The following SEMA5A variants were observed in gnomAD, a reference collection of about 807,000 sequenced individuals.
SEMA5A encodes semaphorin 5A, also known as semaphorin-5A.
SEMA5A carries 55 observed loss-of-function variants against 135.5 expected under a neutral mutation model. The observed-to-expected ratio is 0.41, with a 90% confidence interval of 0.33 to 0.51. The LOEUF (loss-of-function observed/expected upper bound fraction) is 0.51, where lower values mean the gene tolerates loss of function less well. Ranked by LOEUF, SEMA5A falls within the 20% of genes least tolerant of loss-of-function variation. The pLI is 0.37. For synonymous variants in SEMA5A, 580 were observed against 546.5 expected (o/e 1.06, Z -0.85); for missense variants, 1,290 against 1,419.9 (o/e 0.91, Z 1.47).
chr5:9,078,924 A>G (rs1738219828), intron 16 of SEMA5A, among the ~76,000 whole-genome samples: 1 of 152,150 alleles, frequency 6.6e-6, no homozygotes, highest in African/African-American at 2.4e-5. Context: ...TGATTAGTCT[A>G]TGATAAGTTA....
chr5:9,206,322 C>T (rs906516693), intron 8 of SEMA5A, among the ~76,000 whole-genome samples: 1 of 151,970 alleles, frequency 6.6e-6, no homozygotes, highest in African/African-American at 2.4e-5. Context: ...CCGTGTTGTA[C>T]AAAATATATC....
intron 1 of SEMA5A, among the ~76,000 whole-genome samples, chr5:9,521,649 A>T (rs1310190022): frequency 6.6e-6 from 1 of 152,156 alleles, no homozygotes; most frequent in East Asian, 1.9e-4. Flanking sequence ...CATTCCATTT[A>T]TTTGAAACTC....
intron 16 of SEMA5A, among the ~76,000 whole-genome samples, chr5:9,067,499 C>T (rs1737540283): frequency 6.6e-6 from 1 of 152,102 alleles, no homozygotes; most frequent in African/African-American, 2.4e-5. Flanking sequence ...ACATAATACA[C>T]CTAGTGATGG....
chr5:9,470,032 G>A (rs1159479560), intron 1 of SEMA5A, among the ~76,000 whole-genome samples: 2 of 152,194 alleles, frequency 1.3e-5, no homozygotes, highest in Non-Finnish European at 2.9e-5. Flanking sequence ...ATGCAGAAGG[G>A]TAATTCCAAC....
At chr5:9,370,947 T>A (rs1755110752) in intron 3 of SEMA5A, among the ~76,000 whole-genome samples, 1 of 152,242 alleles carries the variant, frequency 6.6e-6, no homozygotes, top group African/African-American at 2.4e-5. Flanking sequence ...GCCCATTTAA[T>A]GCTTAGAAAG....
intron 13 of SEMA5A, among the ~76,000 whole-genome samples, chr5:9,123,824 CCAGTGAGAAA>C (rs1387332922): frequency 1.2e-4 from 19 of 152,036 alleles, no homozygotes; most frequent in African/African-American, 4.3e-4. Flanking sequence ...AGCTTACGGG[CCAGTGAGAAA>C]CAGCTAGACA....
intron 16 of SEMA5A, among the ~76,000 whole-genome samples, chr5:9,095,945 C>T (rs1430464242): frequency 5.9e-5 from 9 of 152,130 alleles, no homozygotes; most frequent in African/African-American, 9.7e-5. Context: ...GATTATATTG[C>T]GTATTGCAAA....
chr5:9,263,824 C>T (rs1579741828), intron 5 of SEMA5A, among the ~76,000 whole-genome samples: 1 of 152,270 alleles, frequency 6.6e-6, no homozygotes. Context: ...GCTGAGTTTT[C>T]CCTGTGTCTC....
intron 5 of SEMA5A, among the ~76,000 whole-genome samples, chr5:9,283,235 CGTGGTT>C (rs1346696471): frequency 6.6e-6 from 1 of 152,148 alleles, no homozygotes; most frequent in African/African-American, 2.4e-5. Context: ...GGAGTCCATT[CGTGGTT>C]TAACCAGATC....
At chr5:9,386,135 T>C (rs1755877826) in intron 2 of SEMA5A, among the ~76,000 whole-genome samples, 1 of 152,172 alleles carries the variant, frequency 6.6e-6, no homozygotes, top group African/African-American at 2.4e-5. Flanking sequence ...TTTGCATTTG[T>C]TCTTTCCATT....
intron 5 of SEMA5A, among the ~76,000 whole-genome samples, chr5:9,305,021 T>C (rs1335715964): frequency 6.6e-6 from 1 of 152,162 alleles, no homozygotes; most frequent in Non-Finnish European, 1.5e-5. Flanking sequence ...CTTCGGTAAC[T>C]GTATCATCTA....
chr5:9,436,456 G>T (rs1442891630), intron 2 of SEMA5A, among the ~76,000 whole-genome samples: 1 of 151,892 alleles, frequency 6.6e-6, no homozygotes, highest in East Asian at 1.9e-4. Context: ...AGAACCTCTC[G>T]TCTCAGCTGA....
At chr5:9,300,101 A>G (rs1189862966) in intron 5 of SEMA5A, among the ~76,000 whole-genome samples, 1 of 152,130 alleles carries the variant, frequency 6.6e-6, no homozygotes, top group Non-Finnish European at 1.5e-5. Context: ...ATCATGGCTC[A>G]CTGCAGCATC....
intron 5 of SEMA5A, among the ~76,000 whole-genome samples, chr5:9,257,430 A>G (rs1176438231): frequency 6.7e-6 from 1 of 149,314 alleles, no homozygotes; most frequent in Non-Finnish European, 1.5e-5. Context: ...ACACATCTGT[A>G]TACTACCCAC....
chr5:9,162,418 GTGTA>G lies in SEMA5A; in HGVS notation c.1274-7727_1274-7724del, dbSNP rs1256804805. ...TGTGTGTGTGTGTATATATATGTGT[GTGTA>G]TATATATGTATATATATGTGTATGT... On this transcript the variant is annotated intron_variant, in intron 11 of 22. Coordinates refer to ENST00000382496, the MANE Select transcript of SEMA5A (RefSeq NM_003966.3). 8.0e-4 allele frequency among the ~76,000 whole-genome samples: 118 copies of G among 147,810 alleles called. 1 individual carries two copies. In the East Asian group the frequency reaches 0.013, roughly 16 times the overall value.
intron 15 of SEMA5A, among the ~76,000 whole-genome samples, chr5:9,109,419 C>T (rs774545586): frequency 6.6e-6 from 1 of 152,180 alleles, no homozygotes; most frequent in Non-Finnish European, 1.5e-5. Flanking sequence ...AAGGAAACAG[C>T]CTGGCATTCT....
intron 5 of SEMA5A, among the ~76,000 whole-genome samples, chr5:9,254,036 A>G (rs1281521471): frequency 6.6e-6 from 1 of 152,202 alleles, no homozygotes; most frequent in Non-Finnish European, 1.5e-5. Context: ...AAATAGAAAC[A>G]TTATCAACTA....
intron 2 of SEMA5A, among the ~76,000 whole-genome samples, 195 bp downstream of exon 2, chr5:9,437,561 T>C (rs182455790): frequency 6.6e-6 from 1 of 152,230 alleles, no homozygotes; most frequent in Non-Finnish European, 1.5e-5. Context: ...TTCACCATGT[T>C]GGCCAGGCTG....
intron 5 of SEMA5A, among the ~76,000 whole-genome samples, chr5:9,297,076 T>C (rs1037449717): frequency 4.0e-5 from 6 of 151,768 alleles, no homozygotes; most frequent in African/African-American, 1.2e-4. Flanking sequence ...AGAAAATACA[T>C]GAAAACAGTA....
Sources: gnomAD v4.1 joint callset for allele counts (sites outside exome capture counted in the v4.1 genomes callset) on GRCh38, gnomAD v4.1.1 for gene constraint, MANE v1.5 for transcripts, NCBI Gene and HGNC (gene_info 2026-07-23, HGNC 2026-07-21) for gene names.